TLK2: variants seen among roughly 807,000 people sequenced by gnomAD.
The protein encoded by TLK2 is serine/threonine-protein kinase tousled-like 2.
In TLK2, 6 loss-of-function variants were observed where a neutral mutation model predicts 117.3. That is an observed-to-expected ratio of 0.05 (90% CI 0.03 to 0.10). The LOEUF is 0.10. Among genes scored for constraint, TLK2 ranks in the 10% least tolerant of loss-of-function variants. The pLI is 1.00. For synonymous variants in TLK2, 257 were observed against 316.7 expected (o/e 0.81, Z 2.00); for missense variants, 299 against 901.2 (o/e 0.33, Z 8.56).
chr17:62,546,344 GTTT>G (rs61100480), intron 7 of TLK2, among the ~76,000 whole-genome samples: 2 of 23,352 alleles, frequency 8.6e-5, no homozygotes, highest in African/African-American at 1.0e-4. Flanking sequence ...TTTGTTGATT[GTTT>G]TTTTTTTTTT....
intron 2 of TLK2, chr17:62,516,608 A>G (rs1567832090): frequency 1.2e-6 from 2 of 1,610,172 alleles, no homozygotes; most frequent in Non-Finnish European, 1.7e-6. Context: ...TAGCCTCGGC[A>G]CTTGAGAGAC....
At chr17:62,564,067 T>C (rs535679245) in intron 10 of TLK2, among the ~76,000 whole-genome samples, 1 of 152,260 alleles carries the variant, frequency 6.6e-6, no homozygotes, top group African/African-American at 2.4e-5. Flanking sequence ...GAGCTAGGCA[T>C]TGATGTGGCC....
intron 1 of TLK2, among the ~76,000 whole-genome samples, chr17:62,480,406 T>G (rs1186800319): frequency 6.6e-6 from 1 of 152,186 alleles, no homozygotes; most frequent in Non-Finnish European, 1.5e-5. Context: ...TGCCCCTCCC[T>G]GCTTGGAAGA....
At chr17:62,570,423 C>G (rs1182264056) in intron 11 of TLK2, among the ~76,000 whole-genome samples, 2 of 152,126 alleles carry the variant, frequency 1.3e-5, no homozygotes, top group Non-Finnish European at 2.9e-5. Flanking sequence ...ATTTAAGGAT[C>G]AACTCTGTGA....
Position 62,480,978 on chromosome 17 carries a change from C to T in TLK2, c.-5-143C>T. 6 of 750,408 alleles carry T rather than the reference C, an allele frequency of 8.0e-6. No individual in the cohort carries two copies. The South Asian group carries it at 1.0e-4, about 13-fold the overall frequency. The allele number at this position is 750,408 out of a possible 1,614,324, so 46.5% of individuals were successfully genotyped here. ...ACTGTTTGATGCAGCACATAGTAGTCTACCACTTGTATGCTATATTTACTT... is the reference window on the plus strand; with the variant it reads ...ACTGTTTGATGCAGCACATAGTAGTTTACCACTTGTATGCTATATTTACTT... On this transcript the variant is annotated intron_variant, in intron 1 of 21. Transcript: ENST00000346027.
intron 2 of TLK2, among the ~76,000 whole-genome samples, chr17:62,495,130 G>GT (rs1277945076): frequency 6.6e-6 from 1 of 151,918 alleles, no homozygotes; most frequent in East Asian, 2.0e-4. Context: ...TTGCACCACT[G>GT]TGCTCCAGCC....
At chr17:62,543,777 G>C (rs927062368) in intron 7 of TLK2, among the ~76,000 whole-genome samples, 6 of 152,142 alleles carry the variant, frequency 3.9e-5, no homozygotes, top group African/African-American at 4.8e-5. Context: ...TATTCTGTGG[G>C]TGGTCAGTTT....
At chr17:62,565,282 T>C in intron 11 of TLK2, 145 bp downstream of exon 11, 1 of 1,073,442 alleles carries the variant, frequency 9.3e-7, no homozygotes, top group Non-Finnish European at 1.3e-6. Flanking sequence ...GAAAGAAATG[T>C]ATCGAATGAG....
intron 2 of TLK2, 55 bp downstream of exon 2, chr17:62,481,261 T>G: frequency 6.3e-7 from 1 of 1,597,154 alleles, no homozygotes; most frequent in Non-Finnish European, 8.6e-7. Context: ...AACACATTTT[T>G]TAAATGATTA....
intron 6 of TLK2, among the ~76,000 whole-genome samples, chr17:62,533,278 A>C (rs1279034210): frequency 6.6e-6 from 1 of 151,818 alleles, no homozygotes; most frequent in Admixed American, 6.6e-5. Context: ...AAAAAAATTG[A>C]AGTAGTTAAA....
intron 7 of TLK2, among the ~76,000 whole-genome samples, chr17:62,542,678 A>C (rs970040540): frequency 1.3e-5 from 2 of 152,196 alleles, no homozygotes; most frequent in Admixed American, 6.6e-5. Flanking sequence ...CTCACTGAAA[A>C]GAAGAGAGAC....
chr17:62,502,154 A>G (rs2074260749), intron 2 of TLK2, among the ~76,000 whole-genome samples: 1 of 151,982 alleles, frequency 6.6e-6, no homozygotes. Flanking sequence ...ACATATATAT[A>G]GAAATAATTA....
chr17:62,604,405 CAT>C (rs71155941), intron 19 of TLK2, among the ~76,000 whole-genome samples: 101,330 of 150,890 alleles, frequency 0.67, 34,124 homozygotes, highest in East Asian at 0.82. Flanking sequence ...CAACTATATA[CAT>C]ATATATATAT....
intron 11 of TLK2, among the ~76,000 whole-genome samples, chr17:62,570,790 G>A (rs992865660): frequency 6.6e-6 from 1 of 152,148 alleles, no homozygotes; most frequent in East Asian, 1.9e-4. Flanking sequence ...AGCATTTCTT[G>A]GTGAATCTGA....
chr17:62,593,433 A>G (rs1035477818), intron 16 of TLK2, among the ~76,000 whole-genome samples: 1 of 152,184 alleles, frequency 6.6e-6, no homozygotes, highest in Non-Finnish European at 1.5e-5. Context: ...TGACTCTCAT[A>G]ATAACACTTA....
intron 16 of TLK2, among the ~76,000 whole-genome samples, chr17:62,595,814 A>G (rs955566766): frequency 2.6e-5 from 4 of 152,210 alleles, no homozygotes; most frequent in Non-Finnish European, 4.4e-5. Flanking sequence ...AGTACTGCTA[A>G]TTGATTTATG....
At chr17:62,587,215 G>GT (rs2146923936) in intron 16 of TLK2, among the ~76,000 whole-genome samples, 1 of 152,280 alleles carries the variant, frequency 6.6e-6, no homozygotes, top group African/African-American at 2.4e-5. Context: ...GCTTCTGAAC[G>GT]TTGGAGTTCA....
At position 62,482,371 on chromosome 17, in the gene TLK2, C is replaced by T. The variant is rs149435284; in HGVS notation, c.81+1165C>T. On this transcript the variant is annotated intron_variant, in intron 2 of 21. Transcript: ENST00000346027. ...GTTAGTAGCTTCTCCAAGGAGAAGG[C>T]GTGTTGAGGTTTAGTTGGAAAAATG... Among the ~76,000 whole-genome samples, 403 of 151,122 alleles carry T rather than the reference C, an allele frequency of 2.7e-3. 2 individuals are homozygous for T. The highest frequency in any genetic ancestry group is 9.0e-3 in the African/African-American group (370 of 41,128).
chr17:62,611,516 G>A (rs572140300), intron 21 of TLK2, among the ~76,000 whole-genome samples: 13 of 152,124 alleles, frequency 8.5e-5, no homozygotes, highest in South Asian at 2.1e-4. Flanking sequence ...CACAGCCTCC[G>A]CATCGATATC....
Sources: allele counts gnomAD v4.1 joint callset (sites outside exome capture counted in the v4.1 genomes callset), GRCh38; gene constraint gnomAD v4.1.1; transcripts MANE v1.5; gene names NCBI Gene and HGNC (gene_info 2026-07-23, HGNC 2026-07-21).